ZFYVE1: variants seen among roughly 807,000 people sequenced by gnomAD.
ZFYVE1 encodes zinc finger FYVE-type containing 1, also known as zinc finger FYVE domain-containing protein 1.
In ZFYVE1, 30 loss-of-function variants were observed where a neutral mutation model predicts 74.4. The observed-to-expected ratio is 0.40, with a 90% CI of 0.30 to 0.55. The LOEUF (loss-of-function observed/expected upper bound fraction) is 0.55, where lower values mean the gene tolerates loss of function less well. Among genes scored for constraint, ZFYVE1 ranks in the 20% least tolerant of loss-of-function variants. The probability of loss-of-function intolerance (pLI) is 0.42; values close to 1 mark genes in which losing one functional copy is unlikely to be tolerated. For synonymous variants in ZFYVE1, 335 were observed against 385.1 expected, an observed-to-expected ratio of 0.87 and a Z score of 1.52; for missense variants, 703 against 1,011.6, an observed-to-expected ratio of 0.69 and a Z score of 4.14.
At chr14:72,980,528 AATTAATTAATTTATTTATTTATTT>A (rs770601468) in intron 5 of ZFYVE1, among the ~76,000 whole-genome samples, 7,748 of 103,084 alleles carry the variant, frequency 0.075, 268 homozygotes, top group Non-Finnish European at 0.097. Flanking sequence ...ATCACCTGAG[AATTAATTAATTTATTTATTTATTT>A]ATTTATTTAT....
chr14:72,986,239 C>T (rs1429329241), intron 4 of ZFYVE1, among the ~76,000 whole-genome samples: 1 of 152,126 alleles, frequency 6.6e-6, no homozygotes, highest in Non-Finnish European at 1.5e-5. Context: ...ATTCCCTGCC[C>T]TAGACAAATG....
chr14:73,002,231 T>C (rs935218348), intron 2 of ZFYVE1, among the ~76,000 whole-genome samples: 8 of 150,404 alleles, frequency 5.3e-5, no homozygotes, highest in Non-Finnish European at 8.9e-5. Flanking sequence ...GGCAGATTCA[T>C]AGACAGCAAG....
At position 72,993,332 on chromosome 14, in the gene ZFYVE1, C is replaced by A; in HGVS notation, c.1014G>T (p.Lys338Asn). Residue 338 changes from lysine to asparagine, a missense_variant, in exon 4 of 12, where the codon AAG (lysine) becomes AAT (asparagine). Physicochemically the swap from Lys to Asn is moderately conservative, Grantham distance 94 (BLOSUM62 0). Coordinates refer to ENST00000556143, the MANE Select transcript of ZFYVE1 (RefSeq NM_021260.4). ...GCTTCCGGAACCGGTCCTGGATGAG[C>A]TTCTCTGGCACCTCTGAGGGATGAT... ...GSDHPSEVPE[K>N]LIQDRFRKLG... 1 of 1,612,900 alleles carries A rather than the reference C, an allele frequency of 6.2e-7. No homozygotes were observed. Among genetic ancestry groups the A allele is most frequent in the Non-Finnish European group, 8.5e-7 (1 of 1,179,818 alleles).
chr14:73,016,026 TACA>T (rs1268147974), intron 2 of ZFYVE1, among the ~76,000 whole-genome samples: 1 of 152,218 alleles, frequency 6.6e-6, no homozygotes, highest in African/African-American at 2.4e-5. Flanking sequence ...AACATTCTAA[TACA>T]ACAAGATGTC....
intron 4 of ZFYVE1, among the ~76,000 whole-genome samples, chr14:72,990,891 G>A (rs1893594809): frequency 6.6e-6 from 1 of 151,614 alleles, no homozygotes; most frequent in South Asian, 2.1e-4. Context: ...AGTAGAGACA[G>A]GTTTCACCAT....
At chr14:73,013,732 T>C (rs1426332289) in intron 2 of ZFYVE1, among the ~76,000 whole-genome samples, 1 of 152,158 alleles carries the variant, frequency 6.6e-6, no homozygotes, top group Non-Finnish European at 1.5e-5. Flanking sequence ...TCCCCTTGCC[T>C]GAAACTTCTT....
In ZFYVE1 at chr14:73,024,327, A is replaced by C. The variant is rs1894408197; in HGVS notation, c.182T>G (p.Ile61Arg). Reference sequence around the variant, plus strand: ...AGGGACATGGCCAGGTTTGAGTCTTATCCGCTCATGGTTTCTCAGGCGCTC... The same window carrying C: ...AGGGACATGGCCAGGTTTGAGTCTTCTCCGCTCATGGTTTCTCAGGCGCTC... ...RQERLRNHERIRLKPGHVPYC... is the reference protein window; with the variant it reads ...RQERLRNHERRRLKPGHVPYC... Residue 61 changes from isoleucine to arginine, a missense_variant, in exon 2 of 12, where the codon ATA (isoleucine) becomes AGA (arginine). Transcript: ENST00000556143. 6.2e-7 allele frequency: 1 copy of C among 1,613,908 alleles called. No homozygotes were observed. The highest frequency in any genetic ancestry group is 1.3e-5 in the African/African-American group (1 of 74,868).
intron 3 of ZFYVE1, among the ~76,000 whole-genome samples, chr14:72,996,767 G>A (rs943113714): frequency 2.6e-5 from 4 of 152,150 alleles, no homozygotes; most frequent in Admixed American, 6.5e-5. Context: ...ACAGAACACC[G>A]TGCGGTCGCC....
intron 5 of ZFYVE1, 57 bp downstream of exon 5, chr14:72,981,732 C>A: frequency 6.5e-7 from 1 of 1,535,634 alleles, no homozygotes; most frequent in Non-Finnish European, 9.0e-7. Flanking sequence ...GGAAGCACCA[C>A]TCAAAGGCTC....
intron 2 of ZFYVE1, among the ~76,000 whole-genome samples, chr14:73,014,034 G>T (rs1406065782): frequency 6.6e-6 from 1 of 152,042 alleles, no homozygotes; most frequent in Non-Finnish European, 1.5e-5. Context: ...GTTAATCCTG[G>T]CTCAAAAAGC....
intron 4 of ZFYVE1, among the ~76,000 whole-genome samples, chr14:72,988,693 G>A (rs1459725917): frequency 6.6e-6 from 1 of 151,030 alleles, no homozygotes; most frequent in African/African-American, 2.4e-5. Flanking sequence ...CGTAATCCAG[G>A]CTACTTGGGA....
At chr14:72,982,615 A>G (rs1360474980) in intron 4 of ZFYVE1, among the ~76,000 whole-genome samples, 1 of 152,226 alleles carries the variant, frequency 6.6e-6, no homozygotes, top group African/African-American at 2.4e-5. Context: ...CAGGCTAATT[A>G]CAGAAAGGCG....
At chr14:73,023,618 C>G (rs1003693230) in intron 2 of ZFYVE1, among the ~76,000 whole-genome samples, 7 of 151,624 alleles carry the variant, frequency 4.6e-5, no homozygotes, top group Non-Finnish European at 8.8e-5. Flanking sequence ...TCCCGCATCA[C>G]TAACATTTAC....
intron 2 of ZFYVE1, among the ~76,000 whole-genome samples, chr14:73,020,352 CTT>C (rs1216340884): frequency 6.7e-6 from 1 of 149,050 alleles, no homozygotes; most frequent in Non-Finnish European, 1.5e-5. Context: ...TTGTTTGTTT[CTT>C]TGTTTCTTTG....
intron 2 of ZFYVE1, among the ~76,000 whole-genome samples, chr14:73,015,074 T>C (rs1894161261): frequency 6.6e-6 from 1 of 151,230 alleles, no homozygotes; most frequent in Admixed American, 6.6e-5. Flanking sequence ...CTACTAAAAA[T>C]ACAAAAATCA....
intron 4 of ZFYVE1, among the ~76,000 whole-genome samples, chr14:72,983,499 G>C (rs1226243324): frequency 2.0e-5 from 3 of 151,878 alleles, no homozygotes; most frequent in Admixed American, 6.6e-5. Flanking sequence ...ATGGTTTCCA[G>C]CTTCATCCAT....
chr14:73,012,693 G>C (rs986234111), intron 2 of ZFYVE1, among the ~76,000 whole-genome samples: 1 of 152,124 alleles, frequency 6.6e-6, no homozygotes, highest in African/African-American at 2.4e-5. Flanking sequence ...TCATTCCAGA[G>C]AATGAAGGCC....
At chr14:73,023,489 G>T (rs1455867175) in intron 2 of ZFYVE1, among the ~76,000 whole-genome samples, 1 of 142,604 alleles carries the variant, frequency 7.0e-6, no homozygotes, top group Non-Finnish European at 1.5e-5. Flanking sequence ...GAGACCATCT[G>T]GAAAGAATAT....
intron 2 of ZFYVE1, among the ~76,000 whole-genome samples, chr14:73,022,812 C>T (rs1347141356): frequency 2.0e-5 from 3 of 152,124 alleles, no homozygotes; most frequent in Admixed American, 2.0e-4. Context: ...CCAAATATCC[C>T]CTAGTCATTC....
Sources: gnomAD v4.1 joint callset for allele counts (sites outside exome capture counted in the v4.1 genomes callset) on GRCh38, gnomAD v4.1.1 for gene constraint, MANE v1.5 for transcripts, NCBI Gene and HGNC (gene_info 2026-07-23, HGNC 2026-07-21) for gene names.